The following UAP1L1 variants were observed in gnomAD, a reference collection of about 807,000 sequenced individuals.
UAP1L1 encodes the protein UDP-N-acetylglucosamine pyrophosphorylase 1 like 1, also known as UDP-N-acetylhexosamine pyrophosphorylase-like protein 1.
In UAP1L1, 45 loss-of-function variants were observed where a neutral mutation model predicts 45.3. The observed-to-expected ratio is 0.99, with a 90% CI of 0.78 to 1.27. UAP1L1 has a LOEUF of 1.27. Among genes scored for constraint, UAP1L1 ranks in the 50% most tolerant of loss-of-function variants. The pLI, the probability that UAP1L1 is intolerant of heterozygous loss-of-function variation, is 0.00. For missense variants in UAP1L1, 667 were observed against 694.0 expected (o/e 0.96, Z 0.44); for synonymous variants, 323 against 303.9 (o/e 1.06, Z -0.65).
chr9:137,079,159 G>T lies in UAP1L1; in HGVS notation c.843+11G>T. 1 of 1,606,312 alleles carries T rather than the reference G, an allele frequency of 6.2e-7. No homozygotes were observed. Among genetic ancestry groups the T allele is most frequent in the Non-Finnish European group, 8.5e-7 (1 of 1,177,876 alleles). ...GACTGTGGCGCCAAGGTTAGCGCCCGACTGCGCGGCGCCCCGCACCCGAGG... is the reference window on the plus strand; with the variant it reads ...GACTGTGGCGCCAAGGTTAGCGCCCTACTGCGCGGCGCCCCGCACCCGAGG... On this transcript the variant is annotated intron_variant, in intron 4 of 8. Coordinates refer to ENST00000409858, the MANE Select transcript of UAP1L1 (RefSeq NM_207309.3).
Position 137,082,353 on chromosome 9 carries a change from C to T in UAP1L1, c.1432-284C>T, listed in dbSNP as rs1832801423. ...GGCCTTGCGGAGGGAGGACACCGGC[C>T]TCTGCTACCTCCCTGACCTCGGCTG... On this transcript the variant is annotated intron_variant, in intron 8 of 8. Coordinates refer to ENST00000409858, the MANE Select transcript of UAP1L1 (RefSeq NM_207309.3). The surrounding 1 kb of genome is among the most constrained non-coding windows in gnomAD (Gnocchi z 5.7). The T allele has an allele frequency of 1.7e-6, 1 of 597,868 alleles. No individual in the cohort carries two copies. The highest frequency in any genetic ancestry group is 3.0e-5 in the Admixed American group (1 of 33,756). The allele number at this position is 597,868 out of a possible 1,614,324, so 37.0% of individuals were successfully genotyped here. A position where few individuals can be genotyped will look rare whatever the true frequency, so the allele number is the denominator to read the frequency against.
In UAP1L1 at chr9:137,080,691, A is replaced by G; in HGVS notation, c.1181A>G (p.Asn394Ser). 1.9e-6 allele frequency: 3 copies of G among 1,609,344 alleles called. No homozygotes were observed. The highest frequency in any genetic ancestry group is 2.5e-6 in the Non-Finnish European group (3 of 1,178,018). ...GTGACTAGCCCTTTCCCCACCAGGA[A>G]CTTTGCTGCCTTGGAAGTGCTGCGG... is the stretch of plus-strand genomic sequence containing the variant. ...FVFDVFRFAK[N>S]FAALEVLREE... Residue 394 changes from asparagine (N) to serine (S), a missense_variant and splice_region_variant, in exon 7 of 9, where the codon AAC becomes AGC. Coordinates refer to ENST00000409858, the MANE Select transcript of UAP1L1 (RefSeq NM_207309.3).
chr9:137,079,250 C>T lies in UAP1L1; in HGVS notation c.844-6C>T. 1.9e-6 allele frequency: 3 copies of T among 1,606,506 alleles called. No individual in the cohort carries two copies. Among genetic ancestry groups the T allele is most frequent in the Non-Finnish European group, 2.6e-6 (3 of 1,175,824 alleles). On this transcript the variant is annotated splice_polypyrimidine_tract_variant and splice_region_variant and intron_variant, in intron 4 of 8. Transcript: ENST00000409858. ...CCTCGGAACCCATCCCTGGTCTTGG[C>T]TGCAGGTGGTGGAAAAGGCATACCC...
rs1235142206 is a variant in UAP1L1 at position 137,083,723 on chromosome 9, C to G, written c.*994C>G. 1 of 152,266 alleles carries G rather than the reference C, an allele frequency of 6.6e-6. No individual in the cohort carries two copies. The highest frequency in any genetic ancestry group is 1.5e-5 in the Non-Finnish European group (1 of 68,066). The allele number at this position is 152,266 out of a possible 1,614,324, so 9.4% of individuals were successfully genotyped here. A position where few individuals can be genotyped will look rare whatever the true frequency, so the allele number is the denominator to read the frequency against. ...AAGCCAGCTGCCCCAGGGTTCTTCC[C>G]CTGGTGATTCTCGCCTGCTTTCTCA... On this transcript the variant is annotated 3_prime_UTR_variant, in exon 9 of 9. Coordinates refer to ENST00000409858, the MANE Select transcript of UAP1L1 (RefSeq NM_207309.3).
In UAP1L1 at chr9:137,079,130, C is replaced by G. The variant is rs75127829; in HGVS notation, c.825C>G (p.Gly275=). The G allele has an allele frequency of 0.051, 82,043 of 1,611,084 alleles. 2,872 individuals are homozygous for G. The highest frequency in any genetic ancestry group is 0.14 in the South Asian group (13,174 of 90,908). Residue 275 remains glycine, a synonymous_variant, in exon 4 of 9, where the codon GGC becomes GGG. Transcript: ENST00000409858. The part of the protein sequence containing the change: ...PVFIGFCVLQ[G]ADCGAKVVEK... ...TCATCGGCTTCTGTGTGTTGCAGGG[C>G]GCAGACTGTGGCGCCAAGGTTAGCG...
intron 7 of UAP1L1, among the ~76,000 whole-genome samples, chr9:137,081,141 C>A (rs1418008488): frequency 6.6e-6 from 1 of 152,218 alleles, no homozygotes; most frequent in African/African-American, 2.4e-5. Flanking sequence ...AACTTATCCA[C>A]AAGGTTTTGG....
rs372935141 is a variant in UAP1L1, at chr9:137,078,552, G to C, written c.545G>C (p.Arg182Thr). Reference sequence around the variant, plus strand: ...CTGGGGCCCACGGCCGAGTTCTTCAGGGAGCACAACTTCTTCCACCTGGAC... The same window carrying C: ...CTGGGGCCCACGGCCGAGTTCTTCACGGAGCACAACTTCTTCCACCTGGAC... ...FTLGPTAEFFREHNFFHLDPA... is the reference protein window; with the variant it reads ...FTLGPTAEFFTEHNFFHLDPA... Residue 182 changes from arginine to threonine, a missense_variant, in exon 3 of 9, where the codon AGG (arginine) becomes ACG (threonine). Coordinates refer to ENST00000409858, the MANE Select transcript of UAP1L1 (RefSeq NM_207309.3). 1.2e-6 allele frequency: 2 copies of C among 1,613,248 alleles called. No homozygotes were observed. The highest frequency in any genetic ancestry group is 1.6e-4 in the Middle Eastern group (1 of 6,062).
Position 137,079,123 on chromosome 9 carries a change from T to G in UAP1L1, c.818T>G (p.Leu273Trp). Residue 273 changes from leucine (L) to tryptophan (W), a missense_variant, in exon 4 of 9, where the codon TTG becomes TGG. Physicochemically the swap from Leu to Trp is moderately conservative, Grantham distance 61. Transcript: ENST00000409858. ...CCTGTCTTCATCGGCTTCTGTGTGT[T>G]GCAGGGCGCAGACTGTGGCGCCAAG... Reference protein sequence around the residue: ...ADPVFIGFCVLQGADCGAKVV... With the variant: ...ADPVFIGFCVWQGADCGAKVV... 6.2e-7 allele frequency: 1 copy of G among 1,611,938 alleles called. No homozygotes were observed. Among genetic ancestry groups the G allele is most frequent in the Non-Finnish European group, 8.5e-7 (1 of 1,179,656 alleles).
Position 137,077,548 on chromosome 9 carries a change from G to A in UAP1L1, c.16G>A (p.Asp6Asn). The A allele has an allele frequency of 7.2e-7, 1 of 1,390,464 alleles. No individual in the cohort carries two copies. The highest frequency in any genetic ancestry group is 1.4e-5 in the South Asian group (1 of 73,454). The allele number at this position is 1,390,464 out of a possible 1,614,324, so 86.1% of individuals were successfully genotyped here. A position where few individuals can be genotyped will look rare whatever the true frequency, so the allele number is the denominator to read the frequency against. Residue 6 changes from aspartate (D) to asparagine (N), a missense_variant, in exon 1 of 9, where the codon GAC (aspartate) becomes AAC (asparagine). Physicochemically the swap from Asp to Asn is conservative, Grantham distance 23. Coordinates refer to ENST00000409858, the MANE Select transcript of UAP1L1 (RefSeq NM_207309.3). This position sits in a 1 kb window ranked among gnomAD's most constrained non-coding sequence, Gnocchi z 4.7. MASEQ[D>N]VRARLQRAGQ... ...CAGCGGCGACATGGCTTCGGAGCAG[G>A]ACGTGCGCGCCCGGCTGCAGCGCGC...
rs767994706 is a variant in UAP1L1, at chr9:137,079,098, C to T, written c.793C>T (p.Pro265Ser). The T allele has an allele frequency of 4.3e-6, 7 of 1,611,876 alleles. No individual in the cohort carries two copies. The highest frequency in any genetic ancestry group is 3.3e-4 in the Middle Eastern group (2 of 6,048). The change falls in exon 4 of 9, where the codon CCT becomes TCT. Residue 265 changes from proline (P) to serine (S), a missense_variant. By Grantham distance (74) the Pro-to-Ser change is moderately conservative (BLOSUM62 -1). Transcript: ENST00000409858. ...CAACATCCTGGTGCGGCTGGCGGAC[C>T]CTGTCTTCATCGGCTTCTGTGTGTT... ...VDNILVRLADPVFIGFCVLQG... is the reference protein window; with the variant it reads ...VDNILVRLADSVFIGFCVLQG...
In UAP1L1 at chr9:137,083,078, C is replaced by T. The variant is rs895502973; in HGVS notation, c.*349C>T. ...GCTGAGAGGAGGCTTCGGGTTGGGG[C>T]CCAAGGGAGGTGTGGTGTCATCTGG... On this transcript the variant is annotated 3_prime_UTR_variant, in exon 9 of 9. Coordinates refer to ENST00000409858, the MANE Select transcript of UAP1L1 (RefSeq NM_207309.3). The T allele has an allele frequency of 2.1e-5, 6 of 281,830 alleles. No homozygotes were observed. In the South Asian group the frequency reaches 2.7e-4, roughly 13 times the overall value. The allele number at this position is 281,830 out of a possible 1,614,324, so 17.5% of individuals were successfully genotyped here. A position where few individuals can be genotyped will look rare whatever the true frequency, so the allele number is the denominator to read the frequency against.
chr9:137,080,515 C>G, intron 6 of UAP1L1, 174 bp from the exon 7 acceptor site: 1 of 662,622 alleles, frequency 1.5e-6, no homozygotes, highest in Non-Finnish European at 2.5e-6. Flanking sequence ...TGGGATTGGG[C>G]CATCCCTGGC....
At position 137,081,991 on chromosome 9, in the gene UAP1L1, T is replaced by A; in HGVS notation, c.1365-7T>A. On this transcript the variant is annotated splice_region_variant and splice_polypyrimidine_tract_variant and intron_variant, in intron 7 of 8. Transcript: ENST00000409858. ...CAAGGAGATATTGACAAGTGGACTT[T>A]CCCTAGCTTGCCCCCAAATGGAGAC... is the stretch of plus-strand genomic sequence containing the variant. 6.2e-7 allele frequency: 1 copy of A among 1,613,938 alleles called. No individual in the cohort carries two copies.
chr9:137,082,184 G>A lies in UAP1L1; in HGVS notation c.1431+120G>A, dbSNP rs1044869536. On this transcript the variant is annotated intron_variant, in intron 8 of 8. Coordinates refer to ENST00000409858, the MANE Select transcript of UAP1L1 (RefSeq NM_207309.3). The surrounding 1 kb of genome is among the most constrained non-coding windows in gnomAD (Gnocchi z 5.7). The stretch of plus-strand genomic sequence containing the variant: ...TCTACCTCGGTTAACCAATGGGGTC[G>A]GTGGTTTAAATTTGCAGAAGACTTT... 10 of 1,015,140 alleles carry A rather than the reference G, an allele frequency of 9.9e-6. No homozygotes were observed. Among genetic ancestry groups the A allele is most frequent in the East Asian group, 4.8e-5 (2 of 41,770 alleles). The allele number at this position is 1,015,140 out of a possible 1,614,324, so 62.9% of individuals were successfully genotyped here.
chr9:137,079,141 G>C lies in UAP1L1; in HGVS notation c.836G>C (p.Gly279Ala), dbSNP rs1421537541. Reference sequence around the variant, plus strand: ...TGTGTGTTGCAGGGCGCAGACTGTGGCGCCAAGGTTAGCGCCCGACTGCGC... The same window carrying C: ...TGTGTGTTGCAGGGCGCAGACTGTGCCGCCAAGGTTAGCGCCCGACTGCGC... ...GFCVLQGADC[G>A]AKVVEKAYPE... The change falls in exon 4 of 9, where the codon GGC (glycine) becomes GCC (alanine). Residue 279 changes from glycine (G) to alanine (A), a missense_variant. Gly to Ala is a moderately conservative substitution (Grantham distance 60). Transcript: ENST00000409858. The C allele has an allele frequency of 6.2e-7, 1 of 1,610,262 alleles. No homozygotes were observed. The highest frequency in any genetic ancestry group is 1.7e-5 in the Admixed American group (1 of 58,984).
chr9:137,082,373 C>T lies in UAP1L1; in HGVS notation c.1432-264C>T, dbSNP rs996881559. The T allele has an allele frequency of 1.0e-5, 6 of 595,442 alleles. No individual in the cohort carries two copies. Among genetic ancestry groups the T allele is most frequent in the African/African-American group, 7.4e-5 (4 of 53,732 alleles). The allele number at this position is 595,442 out of a possible 1,614,324, so 36.9% of individuals were successfully genotyped here. A position where few individuals can be genotyped will look rare whatever the true frequency, so the allele number is the denominator to read the frequency against. On this transcript the variant is annotated intron_variant, in intron 8 of 8. Coordinates refer to ENST00000409858, the MANE Select transcript of UAP1L1 (RefSeq NM_207309.3). The surrounding 1 kb of genome is among the most constrained non-coding windows in gnomAD (Gnocchi z 5.7). ...CCGGCCTCTGCTACCTCCCTGACCT[C>T]GGCTGCCCTTGCCCCTTTCTCTGGT...
intron 7 of UAP1L1, 90 bp from the exon 8 acceptor site, chr9:137,081,908 A>G (rs1832792486): frequency 1.6e-6 from 2 of 1,243,994 alleles, no homozygotes; most frequent in Non-Finnish European, 2.4e-6. Context: ...CCAGGTGTGT[A>G]GAGCTCAGTC....
chr9:137,078,164 G>A lies in UAP1L1; in HGVS notation c.404G>A (p.Arg135Gln), dbSNP rs751373935. 4 of 1,550,046 alleles carry A rather than the reference G, an allele frequency of 2.6e-6. No individual in the cohort carries two copies. The highest frequency in any genetic ancestry group is 2.0e-5 in the Admixed American group (1 of 51,002). ...KGMYRVGLPS[R>Q]KTLYQLQAER... Reference sequence around the variant, plus strand: ...ATGTACCGTGTGGGGCTGCCCAGCCGGAAGACCCTGTACCAGCTGCAGGCG... The same window carrying A: ...ATGTACCGTGTGGGGCTGCCCAGCCAGAAGACCCTGTACCAGCTGCAGGCG... The change falls in exon 2 of 9, where the codon CGG becomes CAG. Residue 135 changes from arginine (R) to glutamine (Q), a missense_variant. By Grantham distance (43) the Arg-to-Gln change is conservative (BLOSUM62 1). Coordinates refer to ENST00000409858, the MANE Select transcript of UAP1L1 (RefSeq NM_207309.3).
In UAP1L1 at chr9:137,082,697, C is replaced by G. The variant is rs1832809152; in HGVS notation, c.1492C>G (p.Gln498Glu). ...FQSPLILDED[Q>E]AREPQLQES Reference sequence around the variant, plus strand: ...GTCCCCGCTCATCCTGGATGAAGACCAGGCCAGGGAGCCGCAGCTGCAGGA... The same window carrying G: ...GTCCCCGCTCATCCTGGATGAAGACGAGGCCAGGGAGCCGCAGCTGCAGGA... The change falls in exon 9 of 9, where the codon CAG (glutamine) becomes GAG (glutamate). Residue 498 changes from glutamine to glutamate, a missense_variant. Physicochemically the swap from Gln to Glu is conservative, Grantham distance 29 (BLOSUM62 2). Coordinates refer to ENST00000409858, the MANE Select transcript of UAP1L1 (RefSeq NM_207309.3). The surrounding 1 kb of genome is among the most constrained non-coding windows in gnomAD (Gnocchi z 5.7). 1.9e-6 allele frequency: 3 copies of G among 1,551,520 alleles called. No individual in the cohort carries two copies. Among genetic ancestry groups the G allele is most frequent in the Non-Finnish European group, 2.6e-6 (3 of 1,147,412 alleles).
Sources: gnomAD v4.1 joint callset for allele counts (sites outside exome capture counted in the v4.1 genomes callset) on GRCh38, gnomAD v4.1.1 for gene constraint, Gnocchi (gnomAD v3.1) non-coding constraint, MANE v1.5 for transcripts, NCBI Gene and HGNC (gene_info 2026-07-23, HGNC 2026-07-21) for gene names.